The following ATG14 variants were observed in gnomAD, a reference collection of about 807,000 sequenced individuals.
The protein encoded by ATG14 is autophagy related 14.
In ATG14, 35 loss-of-function variants were observed where a neutral mutation model predicts 60.4. That is an observed-to-expected ratio of 0.58 (90% CI 0.44 to 0.77). The LOEUF is 0.77. Among genes scored for constraint, ATG14 ranks in the 30% least tolerant of loss-of-function variants. The probability of loss-of-function intolerance (pLI) is 0.00; values close to 1 mark genes in which losing one functional copy is unlikely to be tolerated. For missense variants in ATG14, 647 were observed against 626.3 expected (o/e 1.03, Z -0.35); for synonymous variants, 234 against 228.8 (o/e 1.02, Z -0.21).
chr14:55,393,277 C>G (rs1283421498), intron 3 of ATG14, among the ~76,000 whole-genome samples: 1 of 151,548 alleles, frequency 6.6e-6, no homozygotes, highest in Non-Finnish European at 1.5e-5. Flanking sequence ...CCCAGCTACT[C>G]GGGAGGCTGA....
chr14:55,373,419 G>A (rs1175748581), intron 9 of ATG14, among the ~76,000 whole-genome samples: 1 of 152,056 alleles, frequency 6.6e-6, no homozygotes, highest in Non-Finnish European at 1.5e-5. Flanking sequence ...ATATTAATAG[G>A]TCAATCTGGG....
intron 3 of ATG14, among the ~76,000 whole-genome samples, chr14:55,393,340 G>C (rs753014438): frequency 2.6e-5 from 4 of 151,718 alleles, no homozygotes; most frequent in Admixed American, 2.0e-4. Flanking sequence ...AGCCGAGATC[G>C]CGCCACTGCA....
chr14:55,394,005 A>AT (rs1300990357), intron 3 of ATG14, among the ~76,000 whole-genome samples: 1,725 of 138,910 alleles, frequency 0.012, 19 homozygotes, highest in Middle Eastern at 0.024. Context: ...CAGTATCATA[A>AT]TTTTTTTTTT....
Position 55,411,816 on chromosome 14 carries a change from A to G in ATG14, c.7T>C (p.Ser3Pro). The G allele has an allele frequency of 6.3e-7, 1 of 1,593,234 alleles. No homozygotes were observed. The highest frequency in any genetic ancestry group is 8.5e-7 in the Non-Finnish European group (1 of 1,170,704). The change falls in exon 1 of 10, where the codon TCT becomes CCT. Residue 3 changes from serine (S) to proline (P), a missense_variant. Coordinates refer to ENST00000247178, the MANE Select transcript of ATG14 (RefSeq NM_014924.5). MASPSGKGARALE... is the reference protein window; with the variant it reads MAPPSGKGARALE... Reference sequence around the variant, plus strand: ...GCCCGGGCTCCCTTCCCACTGGGAGACGCCATGATGGCCTGAGAGGAGAGC... The same window carrying G: ...GCCCGGGCTCCCTTCCCACTGGGAGGCGCCATGATGGCCTGAGAGGAGAGC...
At position 55,408,868 on chromosome 14, in the gene ATG14, T is replaced by C. The variant is rs193280317; in HGVS notation, c.221+2734A>G. Among the ~76,000 whole-genome samples, 21 of 152,308 alleles carry C rather than the reference T, an allele frequency of 1.4e-4. No individual in the cohort carries two copies. The East Asian group carries it at 3.3e-3, about 24-fold the overall frequency. On this transcript the variant is annotated intron_variant, in intron 1 of 9. Transcript: ENST00000247178. ...AAAGCCCACATTTTAAACTCAACCT[T>C]AGAGTCTAAATTAGAGAGGCAAACA...
intron 4 of ATG14, 93 bp from the exon 5 acceptor site, chr14:55,386,189 G>C: frequency 8.9e-7 from 1 of 1,128,026 alleles, no homozygotes; most frequent in Non-Finnish European, 1.3e-6. Flanking sequence ...GTTTTCCCTT[G>C]CAATCTAAAC....
chr14:55,380,249 AAAC>A (rs111920943), intron 7 of ATG14, among the ~76,000 whole-genome samples: 60 of 150,610 alleles, frequency 4.0e-4, no homozygotes, highest in Middle Eastern at 3.4e-3. Context: ...CTCTGTCTCA[AAAC>A]AACAACAACA....
chr14:55,410,654 G>A (rs1217057412), intron 1 of ATG14, among the ~76,000 whole-genome samples: 4 of 152,222 alleles, frequency 2.6e-5, no homozygotes, highest in Non-Finnish European at 5.9e-5. Flanking sequence ...ATAGGTCCAA[G>A]CTGTCTGAAT....
chr14:55,402,926 A>AATATATATATATATATAT (rs71131262), intron 1 of ATG14, among the ~76,000 whole-genome samples: 4 of 16,394 alleles, frequency 2.4e-4, no homozygotes, highest in Non-Finnish European at 3.2e-4. Context: ...AAAAAAAAAA[A>AATATATATATATATATAT]ATATATATAT....
intron 5 of ATG14, among the ~76,000 whole-genome samples, chr14:55,383,524 C>CTGGG (rs1179537042): frequency 6.6e-6 from 1 of 152,020 alleles, no homozygotes; most frequent in Non-Finnish European, 1.5e-5. Context: ...ACACTCCAGC[C>CTGGG]TGGGTGACAA....
At chr14:55,377,779 C>A in intron 9 of ATG14, 40 bp downstream of exon 9, 1 of 1,440,908 alleles carries the variant, frequency 6.9e-7, no homozygotes. Flanking sequence ...TAACAGGATT[C>A]ACAAAAACAC....
At chr14:55,393,477 T>C (rs2140142209) in intron 3 of ATG14, among the ~76,000 whole-genome samples, 1 of 152,212 alleles carries the variant, frequency 6.6e-6, no homozygotes, top group South Asian at 2.1e-4. Context: ...AAAATGTGAC[T>C]GTTAGCCTGA....
Position 55,367,589 on chromosome 14 carries a change from C to T in ATG14, c.*2030G>A, listed in dbSNP as rs1246654982. 2 of 152,136 alleles carry T rather than the reference C, an allele frequency of 1.3e-5. No individual in the cohort carries two copies. The highest frequency in any genetic ancestry group is 2.4e-5 in the African/African-American group (1 of 41,434). The allele number at this position is 152,136 out of a possible 1,614,324, so 9.4% of individuals were successfully genotyped here. A position where few individuals can be genotyped will look rare whatever the true frequency, so the allele number is the denominator to read the frequency against. ...GAAAACCCCCGTCTTTACTAAAATA[C>T]AAAAATTAGCTGGGCATGATGGCAG... is the stretch of plus-strand genomic sequence containing the variant. On this transcript the variant is annotated 3_prime_UTR_variant, in exon 10 of 10. Coordinates refer to ENST00000247178, the MANE Select transcript of ATG14 (RefSeq NM_014924.5).
At chr14:55,392,536 C>G (rs1050073046) in intron 3 of ATG14, among the ~76,000 whole-genome samples, 1 of 151,544 alleles carries the variant, frequency 6.6e-6, no homozygotes, top group African/African-American at 2.4e-5. Flanking sequence ...ATAGTCCCAG[C>G]TACCAGGGAG....
chr14:55,397,513 AATCATTC>A, intron 1 of ATG14, 79 bp from the exon 2 acceptor site: 1 of 1,114,988 alleles, frequency 9.0e-7, no homozygotes, highest in Non-Finnish European at 1.3e-6. Context: ...CCCAAGAACC[AATCATTC>A]TGCAGAGTCA....
chr14:55,396,981 T>C (rs1885323899), intron 2 of ATG14, among the ~76,000 whole-genome samples: 1 of 152,202 alleles, frequency 6.6e-6, no homozygotes. Context: ...ATACAGGTAA[T>C]GTGCAGACCA....
rs377330757 is a variant in ATG14, at chr14:55,380,875, A to ATATATATATATTTTTT, written c.878-186_878-185insAAAAAATATATATATA. Among the ~76,000 whole-genome samples, 742 of 112,366 alleles carry ATATATATATATTTTTT rather than the reference A, an allele frequency of 6.6e-3. 1 individual carries two copies. Among genetic ancestry groups the ATATATATATATTTTTT allele is most frequent in the Non-Finnish European group, 0.01 (577 of 57,026 alleles). The allele number at this position is 112,366 out of a possible 152,430, so 73.7% of individuals were successfully genotyped here. A position where few individuals can be genotyped will look rare whatever the true frequency, so the allele number is the denominator to read the frequency against. ...TGTGTGTATATATATATATATATAT[A>ATATATATATATTTTTT]TTTTTTTTTTTTTTTTTGCTGAGAG... On this transcript the variant is annotated intron_variant, in intron 6 of 9. Transcript: ENST00000247178.
intron 7 of ATG14, among the ~76,000 whole-genome samples, chr14:55,379,116 G>A (rs1884979893): frequency 6.6e-6 from 1 of 152,210 alleles, no homozygotes. Flanking sequence ...TGAGCTCCAA[G>A]AGGGCAAGGA....
At chr14:55,408,994 T>G (rs1482255686) in intron 1 of ATG14, among the ~76,000 whole-genome samples, 1 of 152,160 alleles carries the variant, frequency 6.6e-6, no homozygotes, top group Non-Finnish European at 1.5e-5. Flanking sequence ...AACAGTGACA[T>G]TATCTTATTT....
Sources: allele counts gnomAD v4.1 joint callset (sites outside exome capture counted in the v4.1 genomes callset), GRCh38; gene constraint gnomAD v4.1.1; transcripts MANE v1.5; gene names NCBI Gene and HGNC (gene_info 2026-07-23, HGNC 2026-07-21).